Variants in EXT1 observed in about 807,000 individuals in gnomAD.
EXT1 encodes the protein exostosin glycosyltransferase 1.
In EXT1, 20 loss-of-function variants were observed where a neutral mutation model predicts 82.5. The ratio of observed to expected loss-of-function variants is 0.24; its 90% CI spans 0.17 to 0.35. EXT1 has a LOEUF of 0.35. Among genes scored for constraint, EXT1 ranks in the 10% least tolerant of loss-of-function variants. EXT1 has a pLI of 1.00. For synonymous variants in EXT1, 348 were observed against 350.8 expected (o/e 0.99, Z 0.09); for missense variants, 757 against 936.5 (o/e 0.81, Z 2.50).
At chr8:117,902,841 T>TG (rs2129971005) in intron 1 of EXT1, among the ~76,000 whole-genome samples, 1 of 152,366 alleles carries the variant, frequency 6.6e-6, no homozygotes, top group African/African-American at 2.4e-5. Flanking sequence ...TCCTTATCGT[T>TG]GTCAGACAAT....
At chr8:117,835,862 AC>A (rs1009100148) in intron 2 of EXT1, among the ~76,000 whole-genome samples, 1 of 152,160 alleles carries the variant, frequency 6.6e-6, no homozygotes, top group African/African-American at 2.4e-5. Flanking sequence ...GTTTTTATTG[AC>A]GTAACAAAAG....
chr8:118,040,124 T>C (rs1816502380), intron 1 of EXT1, among the ~76,000 whole-genome samples: 1 of 152,060 alleles, frequency 6.6e-6, no homozygotes, highest in Non-Finnish European at 1.5e-5. Context: ...AGAAACCTGA[T>C]TTTGGTGTAT....
chr8:118,009,581 G>A (rs141805480), intron 1 of EXT1, among the ~76,000 whole-genome samples: 124 of 152,266 alleles, frequency 8.1e-4, no homozygotes, highest in Non-Finnish European at 1.4e-3. Context: ...ACCCTAGTCC[G>A]TGGCCTGTTA....
At chr8:118,048,146 T>TG (rs1349422047) in intron 1 of EXT1, among the ~76,000 whole-genome samples, 1 of 152,214 alleles carries the variant, frequency 6.6e-6, no homozygotes, top group East Asian at 1.9e-4. Flanking sequence ...GTCAATGCAT[T>TG]GTTCAGATGA....
At position 118,110,570 on chromosome 8, in the gene EXT1, A is replaced by G; in HGVS notation, c.477T>C (p.Asp159=). ...GTGACAACTGGTCTCTGTCTAAAGT[A>G]TCCAGACTCAGGACAAAGAGGCACG... ...SQACLFVLSL[D]TLDRDQLSPQ... is the part of the protein sequence containing the mutation. The change falls in exon 1 of 11, where the codon GAT becomes GAC. Residue 159 remains aspartate (D), a synonymous_variant. Coordinates refer to ENST00000378204, the MANE Select transcript of EXT1 (RefSeq NM_000127.3). The G allele has an allele frequency of 6.2e-7, 1 of 1,614,198 alleles. No homozygotes were observed. Among genetic ancestry groups the G allele is most frequent in the Non-Finnish European group, 8.5e-7 (1 of 1,180,040 alleles).
chr8:118,091,149 C>G (rs1369734301), intron 1 of EXT1, among the ~76,000 whole-genome samples: 1 of 152,184 alleles, frequency 6.6e-6, no homozygotes, highest in Non-Finnish European at 1.5e-5. Flanking sequence ...TTTCAAAGAA[C>G]ATAAACTGCA....
At chr8:117,956,665 T>C (rs1424087290) in intron 1 of EXT1, among the ~76,000 whole-genome samples, 1 of 152,152 alleles carries the variant, frequency 6.6e-6, no homozygotes, top group Non-Finnish European at 1.5e-5. Context: ...CAGGCTCCTC[T>C]CAAACTCCTG....
chr8:117,824,592 A>ATAG (rs1332033685), intron 4 of EXT1, among the ~76,000 whole-genome samples: 2 of 152,208 alleles, frequency 1.3e-5, no homozygotes, highest in African/African-American at 4.8e-5. Context: ...TAGCTGCCTA[A>ATAG]GTTGTTATAC....
At chr8:117,992,553 TTCTTAACAAAGAAGAG>T (rs1194784010) in intron 1 of EXT1, among the ~76,000 whole-genome samples, 1 of 151,888 alleles carries the variant, frequency 6.6e-6, no homozygotes, top group Non-Finnish European at 1.5e-5. Flanking sequence ...CCCATGAATC[TTCTTAACAAAGAAGAG>T]TCTTCCAGGC....
intron 1 of EXT1, among the ~76,000 whole-genome samples, chr8:117,961,368 C>G (rs1341761727): frequency 1.3e-5 from 2 of 152,134 alleles, no homozygotes; most frequent in African/African-American, 4.8e-5. Context: ...GATTGGGGGA[C>G]AGGGGGATTC....
intron 1 of EXT1, among the ~76,000 whole-genome samples, chr8:117,965,870 T>C (rs1814798315): frequency 6.6e-6 from 1 of 152,162 alleles, no homozygotes; most frequent in Non-Finnish European, 1.5e-5. Flanking sequence ...ACTAAAAATC[T>C]TCCCCACCAT....
chr8:117,973,879 AG>A (rs55713663), intron 1 of EXT1, among the ~76,000 whole-genome samples: 11,966 of 98,218 alleles, frequency 0.12, 2,120 homozygotes, highest in South Asian at 0.14. Context: ...AGGAAAGGAA[AG>A]GAAAGGAAGG....
At chr8:118,080,189 AT>A (rs1196424515) in intron 1 of EXT1, among the ~76,000 whole-genome samples, 3 of 152,230 alleles carry the variant, frequency 2.0e-5, no homozygotes, top group Non-Finnish European at 4.4e-5. Context: ...GCCTCCACAA[AT>A]TCAGATCATC....
chr8:117,858,229 C>G (rs1425517591), intron 1 of EXT1, among the ~76,000 whole-genome samples: 2 of 152,218 alleles, frequency 1.3e-5, no homozygotes, highest in Non-Finnish European at 2.9e-5. Flanking sequence ...AGAGGATTGA[C>G]TCCAACTTTG....
chr8:118,090,408 A>C (rs547082784), intron 1 of EXT1, among the ~76,000 whole-genome samples: 132 of 152,156 alleles, frequency 8.7e-4, no homozygotes, highest in African/African-American at 3.1e-3. Context: ...CAACAGAGCA[A>C]GACCGTGTCT....
Position 118,008,256 on chromosome 8 carries a change from C to CTTT in EXT1, c.962+101826_962+101828dup, listed in dbSNP as rs527887350. Among the ~76,000 whole-genome samples, 495 of 151,400 alleles carry CTTT rather than the reference C, an allele frequency of 3.3e-3. 5 individuals are homozygous for CTTT. The highest frequency in any genetic ancestry group is 0.012 in the African/African-American group (476 of 41,000). On this transcript the variant is annotated intron_variant, in intron 1 of 10. Transcript: ENST00000378204. ...GTTGAGCTAATTTATGCATATTATA[C>CTTT]TTTTTTTTGTTTTTTTATTTGAGAC...
intron 1 of EXT1, among the ~76,000 whole-genome samples, chr8:118,091,580 T>G (rs544309237): frequency 4.8e-4 from 73 of 151,290 alleles, no homozygotes; most frequent in South Asian, 2.1e-3. Flanking sequence ...CTACTAAAAA[T>G]AAAAAGAAAA....
chr8:118,000,160 A>G (rs146538706), intron 1 of EXT1, among the ~76,000 whole-genome samples: 2 of 152,344 alleles, frequency 1.3e-5, no homozygotes, highest in Non-Finnish European at 2.9e-5. Context: ...AAGCTAAGTT[A>G]TACTTTTCAA....
Position 117,871,594 on chromosome 8 carries a change from G to C in EXT1, c.963-34393C>G, listed in dbSNP as rs1812871175. Among the ~76,000 whole-genome samples the C allele has an allele frequency of 2.6e-5, 4 of 152,188 alleles. No homozygotes were observed. The South Asian group carries it at 8.3e-4, about 32-fold the overall frequency. ...GCGGGACCTCACTGAAATACCACAA[G>C]TTACCCCAATGCAAGAACGGCTAGG... On this transcript the variant is annotated intron_variant, in intron 1 of 10. Coordinates refer to ENST00000378204, the MANE Select transcript of EXT1 (RefSeq NM_000127.3).
Sources: gnomAD v4.1 joint callset for allele counts (sites outside exome capture counted in the v4.1 genomes callset) on GRCh38, gnomAD v4.1.1 for gene constraint, MANE v1.5 for transcripts, NCBI Gene and HGNC (gene_info 2026-07-23, HGNC 2026-07-21) for gene names.